Variants in ZMYND11 observed in about 807,000 individuals in gnomAD.
ZMYND11 encodes the protein zinc finger MYND domain-containing protein 11.
In ZMYND11, 9 loss-of-function variants were observed where a neutral mutation model predicts 84.9. That is an observed-to-expected ratio of 0.11 (90% confidence interval 0.06 to 0.18). ZMYND11 has a LOEUF of 0.18. Ranked by LOEUF, ZMYND11 falls within the 10% of genes least tolerant of loss-of-function variation. The pLI is 1.00. For missense variants in ZMYND11, 409 were observed against 761.0 expected (o/e 0.54, Z 5.44); for synonymous variants, 250 against 244.1 (o/e 1.02, Z -0.23).
chr10:169,849 G>A (rs1272206910), intron 1 of ZMYND11, among the ~76,000 whole-genome samples: 1 of 152,072 alleles, frequency 6.6e-6, no homozygotes, highest in African/African-American at 2.4e-5. Context: ...ATACCAGAAG[G>A]GAAGAAGGAG....
rs1484633112 is a variant in ZMYND11, at chr10:252,367, A to C, written c.1706A>C (p.Glu569Ala). The C allele has an allele frequency of 1.2e-6, 2 of 1,614,036 alleles. No homozygotes were observed. Among genetic ancestry groups the C allele is most frequent in the Non-Finnish European group, 8.5e-7 (1 of 1,179,996 alleles). ...KKQWCYNCEE[E>A]AMYHCCWNTS... ...CTGCAGTGCTACAACTGTGAGGAGG[A>C]GGCCATGTACCACTGCTGCTGGAAC... Residue 569 changes from glutamate to alanine, a missense_variant, in exon 15 of 15, where the codon GAG becomes GCG. By Grantham distance (107) the Glu-to-Ala change is moderately radical. Coordinates refer to ENST00000381604, the MANE Select transcript of ZMYND11 (RefSeq NM_001370100.5). The surrounding 1 kb of genome is among the most constrained non-coding windows in gnomAD (Gnocchi z 4.6).
rs1953855350 is a variant in ZMYND11 at position 253,367 on chromosome 10, C to CA, written c.*898dup. The CA allele has an allele frequency of 6.6e-6, 1 of 152,630 alleles. No individual in the cohort carries two copies. Among genetic ancestry groups the CA allele is most frequent in the Non-Finnish European group, 1.5e-5 (1 of 68,036 alleles). The allele number at this position is 152,630 out of a possible 1,614,324, so 9.5% of individuals were successfully genotyped here. A position where few individuals can be genotyped will look rare whatever the true frequency, so the allele number is the denominator to read the frequency against. ...CACTGCCTATTATCTGGTGTCACCT[C>CA]ATGTATCGTAAGTTAATACTAAAAG... is the stretch of plus-strand genomic sequence containing the variant. On this transcript the variant is annotated 3_prime_UTR_variant, in exon 15 of 15. Transcript: ENST00000381604.
Position 240,180 on chromosome 10 carries a change from T to G in ZMYND11, c.753+69T>G, listed in dbSNP as rs1035012834. 1.7e-5 allele frequency: 22 copies of G among 1,299,962 alleles called. No individual in the cohort carries two copies. The African/African-American group carries it at 3.1e-4, about 19-fold the overall frequency. 80.5% of individuals were successfully genotyped at this position (1,299,962 alleles called of 1,614,324 possible). On this transcript the variant is annotated intron_variant, in intron 8 of 14. Coordinates refer to ENST00000381604, the MANE Select transcript of ZMYND11 (RefSeq NM_001370100.5). ...ATTAATTTATTTCAGGATTCCACTCTTATCTACATTTTAGTTGTGCCATTT... is the reference window on the plus strand; with the variant it reads ...ATTAATTTATTTCAGGATTCCACTCGTATCTACATTTTAGTTGTGCCATTT...
intron 3 of ZMYND11, among the ~76,000 whole-genome samples, chr10:216,661 G>A (rs186657819): frequency 6.6e-6 from 1 of 152,128 alleles, no homozygotes; most frequent in Non-Finnish European, 1.5e-5. Flanking sequence ...CATTTATACT[G>A]TGGTTCTGTG....
At chr10:180,149 A>G in intron 2 of ZMYND11, 21 bp downstream of exon 2, 2 of 1,584,054 alleles carry the variant, frequency 1.3e-6, no homozygotes, top group Non-Finnish European at 1.7e-6. Flanking sequence ...TTAAACACAA[A>G]TATCTCTGTA....
At chr10:159,130 CT>C (rs369035427) in intron 1 of ZMYND11, among the ~76,000 whole-genome samples, 2,838 of 144,662 alleles carry the variant, frequency 0.02, 77 homozygotes, top group African/African-American at 0.058. Context: ...TTTTTTTTTT[CT>C]TAATAGCTGA....
intron 2 of ZMYND11, among the ~76,000 whole-genome samples, chr10:194,820 C>T (rs1300279073): frequency 1.3e-5 from 2 of 152,122 alleles, no homozygotes; most frequent in Non-Finnish European, 1.5e-5. Flanking sequence ...CGCTCACAGA[C>T]CTGCATGTCT....
At chr10:178,271 T>C (rs1159127640) in intron 1 of ZMYND11, among the ~76,000 whole-genome samples, 1 of 152,250 alleles carries the variant, frequency 6.6e-6, no homozygotes, top group African/African-American at 2.4e-5. Flanking sequence ...TATACAGTTT[T>C]AACTACTTCA....
intron 2 of ZMYND11, among the ~76,000 whole-genome samples, chr10:184,899 G>GTT (rs34092762): frequency 2.5e-4 from 38 of 150,614 alleles, no homozygotes; most frequent in Admixed American, 8.6e-4. Flanking sequence ...TCTTTTCCCC[G>GTT]TTTTTTTTTG....
intron 1 of ZMYND11, among the ~76,000 whole-genome samples, chr10:156,032 G>C (rs1841636872): frequency 6.6e-6 from 1 of 152,140 alleles, no homozygotes; most frequent in Non-Finnish European, 1.5e-5. Context: ...TTTACAGCAG[G>C]GATTTTTCAA....
intron 4 of ZMYND11, among the ~76,000 whole-genome samples, chr10:224,252 C>T (rs1267386117): frequency 1.3e-5 from 2 of 152,116 alleles, no homozygotes; most frequent in Admixed American, 6.6e-5. Context: ...CTTTATCTTA[C>T]GTATCTATTT....
intron 1 of ZMYND11, among the ~76,000 whole-genome samples, chr10:172,236 A>G (rs1174934222): frequency 6.6e-6 from 1 of 152,220 alleles, no homozygotes; most frequent in African/African-American, 2.4e-5. Context: ...AAAACATTCA[A>G]ACTGCAGTAC....
intron 10 of ZMYND11, among the ~76,000 whole-genome samples, chr10:245,126 C>T (rs1314879116): frequency 6.6e-6 from 1 of 152,100 alleles, no homozygotes; most frequent in Non-Finnish European, 1.5e-5. Flanking sequence ...GTGTACTCTG[C>T]ATTAGAGTTT....
chr10:184,997 C>T (rs771994106), intron 2 of ZMYND11, among the ~76,000 whole-genome samples: 21 of 152,114 alleles, frequency 1.4e-4, no homozygotes, highest in Non-Finnish European at 2.2e-4. Flanking sequence ...TCTGTAATAC[C>T]GGGCTTTGTC....
At chr10:210,199 T>C (rs1472725357) in intron 3 of ZMYND11, 151 bp downstream of exon 3, 2 of 781,276 alleles carry the variant, frequency 2.6e-6, no homozygotes, top group African/African-American at 3.5e-5. Flanking sequence ...GTAGTATGGA[T>C]ACTTTCCTTA....
At chr10:246,644 C>CT (rs1366109466) in intron 10 of ZMYND11, 122 bp from the exon 11 acceptor site, 3 of 883,878 alleles carry the variant, frequency 3.4e-6, no homozygotes, top group African/African-American at 1.7e-5. Flanking sequence ...TTGCACCAAG[C>CT]TAACAGACGA....
At chr10:241,166 AAAT>A (rs1297023420) in intron 9 of ZMYND11, among the ~76,000 whole-genome samples, 196 bp downstream of exon 9, 3 of 152,274 alleles carry the variant, frequency 2.0e-5, no homozygotes, top group Admixed American at 6.5e-5. Context: ...TACTGAATAA[AAAT>A]AAATATTGGG....
In ZMYND11 at chr10:232,274, G is replaced by A. The variant is rs17157850; in HGVS notation, c.439-4564G>A. Among the ~76,000 whole-genome samples the A allele has an allele frequency of 5.6e-4, 86 of 152,268 alleles. No homozygotes were observed. The East Asian group carries it at 0.015, about 27-fold the overall frequency. ...TGAACGCCACAGAAAGTGGCTCCACGGCTTGTTACCTTAGAAATCCCCAGA... is the reference window on the plus strand; with the variant it reads ...TGAACGCCACAGAAAGTGGCTCCACAGCTTGTTACCTTAGAAATCCCCAGA... On this transcript the variant is annotated intron_variant, in intron 4 of 14. Transcript: ENST00000381604.
At chr10:204,897 G>T (rs1943856022) in intron 2 of ZMYND11, among the ~76,000 whole-genome samples, 1 of 151,308 alleles carries the variant, frequency 6.6e-6, no homozygotes, top group African/African-American at 2.4e-5. Flanking sequence ...TTTAATATTA[G>T]ATTATATTCA....
Sources: gnomAD v4.1 joint callset for allele counts (sites outside exome capture counted in the v4.1 genomes callset) on GRCh38, gnomAD v4.1.1 for gene constraint, Gnocchi (gnomAD v3.1) non-coding constraint, MANE v1.5 for transcripts, NCBI Gene and HGNC (gene_info 2026-07-23, HGNC 2026-07-21) for gene names.